UBE2D1: variants seen among roughly 807,000 people sequenced by gnomAD.
UBE2D1 encodes ubiquitin-conjugating enzyme E2 D1.
Under a neutral mutation model 24.6 loss-of-function variants are expected in UBE2D1, and 9 were observed. The ratio of observed to expected loss-of-function variants is 0.37; its 90% CI spans 0.22 to 0.64. UBE2D1 has a LOEUF of 0.64. Among genes scored for constraint, UBE2D1 ranks in the 30% least tolerant of loss-of-function variants. The pLI is 0.64. For missense variants in UBE2D1, 87 were observed against 177.1 expected (o/e 0.49, Z 2.89); for synonymous variants, 57 against 57.6 (o/e 0.99, Z 0.04).
intron 1 of UBE2D1, among the ~76,000 whole-genome samples, chr10:58,350,067 GTTGGTGGACATTGAGT>G (rs1481015640): frequency 6.6e-6 from 1 of 152,200 alleles, no homozygotes; most frequent in African/African-American, 2.4e-5. Flanking sequence ...TCGTTCTACT[GTTGGTGGACATTGAGT>G]TGCTTCTGGT....
At position 58,335,100 on chromosome 10, in the gene UBE2D1, G is replaced by A. The variant is rs1009545086; in HGVS notation, c.-102G>A. The A allele has an allele frequency of 3.0e-6, 4 of 1,325,730 alleles. No individual in the cohort carries two copies. The highest frequency in any genetic ancestry group is 3.0e-5 in the African/African-American group (2 of 65,990). 82.1% of individuals were successfully genotyped at this position (1,325,730 alleles called of 1,614,324 possible). On this transcript the variant is annotated 5_prime_UTR_variant, in exon 1 of 7. Coordinates refer to ENST00000373910, the MANE Select transcript of UBE2D1 (RefSeq NM_003338.5). The stretch of plus-strand genomic sequence containing the variant: ...CGGCTAACCGGGGACCCACCGCGCG[G>A]AGCCAGCCTAGCTGCCAGCGAGCCC...
intron 1 of UBE2D1, among the ~76,000 whole-genome samples, chr10:58,344,495 T>C (rs935482243): frequency 2.0e-5 from 3 of 152,134 alleles, no homozygotes; most frequent in Non-Finnish European, 2.9e-5. Context: ...ACCTAAATAA[T>C]GTATTTGCTG....
Position 58,335,094 on chromosome 10 carries a change from C to A in UBE2D1, c.-108C>A. The A allele has an allele frequency of 1.6e-6, 2 of 1,257,342 alleles. No individual in the cohort carries two copies. Among genetic ancestry groups the A allele is most frequent in the East Asian group, 2.7e-5 (1 of 36,516 alleles). The allele number at this position is 1,257,342 out of a possible 1,614,324, so 77.9% of individuals were successfully genotyped here. A position where few individuals can be genotyped will look rare whatever the true frequency, so the allele number is the denominator to read the frequency against. On this transcript the variant is annotated 5_prime_UTR_variant, in exon 1 of 7. Transcript: ENST00000373910. ...AGGGAGCGGCTAACCGGGGACCCAC[C>A]GCGCGGAGCCAGCCTAGCTGCCAGC...
At chr10:58,368,087 C>G (rs762471047) in intron 6 of UBE2D1, 71 bp downstream of exon 6, 15 of 1,077,276 alleles carry the variant, frequency 1.4e-5, no homozygotes, top group Admixed American at 7.7e-5. Context: ...CGAATATTAT[C>G]AATATGTTTT....
In UBE2D1 at chr10:58,338,192, C is replaced by G. The variant is rs564680473; in HGVS notation, c.24+2967C>G. ...GGCTATTTGAGAGTGTTAAAAAGTT[C>G]ATGATTTCACATTTCTTCACTATGA... On this transcript the variant is annotated intron_variant, in intron 1 of 6. Coordinates refer to ENST00000373910, the MANE Select transcript of UBE2D1 (RefSeq NM_003338.5). Among the ~76,000 whole-genome samples, 4 of 152,160 alleles carry G rather than the reference C, an allele frequency of 2.6e-5. No individual in the cohort carries two copies. The East Asian group carries it at 5.8e-4, about 22-fold the overall frequency.
In UBE2D1 at chr10:58,369,903, A is replaced by G. The variant is rs1196834251; in HGVS notation, c.*1138A>G. ...GAGTATAAGGCAGTATCACCCATCC[A>G]AAAGAAAGGTCTTTATAGACCTGCA... On this transcript the variant is annotated 3_prime_UTR_variant, in exon 7 of 7. Transcript: ENST00000373910. 6.6e-6 allele frequency: 1 copy of G among 152,062 alleles called. No individual in the cohort carries two copies. The highest frequency in any genetic ancestry group is 1.9e-4 in the East Asian group (1 of 5,328). The allele number at this position is 152,062 out of a possible 1,614,324, so 9.4% of individuals were successfully genotyped here.
At chr10:58,360,649 A>G (rs1840185097) in intron 1 of UBE2D1, among the ~76,000 whole-genome samples, 1 of 152,166 alleles carries the variant, frequency 6.6e-6, no homozygotes, top group Admixed American at 6.5e-5. Context: ...AGCTGGGTGC[A>G]GTGGCTCATG....
At chr10:58,363,818 T>G in intron 4 of UBE2D1, 132 bp downstream of exon 4, 1 of 581,824 alleles carries the variant, frequency 1.7e-6, no homozygotes, top group Middle Eastern at 4.8e-4. Context: ...CAAACTGTTT[T>G]GTAAAAACTA....
At position 58,364,863 on chromosome 10, in the gene UBE2D1, G is replaced by T; in HGVS notation, c.291G>T (p.Leu97=). The change falls in exon 5 of 7, where the codon CTG becomes CTT. Residue 97 remains leucine, a synonymous_variant. Coordinates refer to ENST00000373910, the MANE Select transcript of UBE2D1 (RefSeq NM_003338.5). ...TGAGGTCACAATGGTCACCAGCTCT[G>T]ACTGTATCAAAAGGTAATTTCATTG... ...DILRSQWSPA[L]TVSKVLLSIC... 1 of 1,612,514 alleles carries T rather than the reference G, an allele frequency of 6.2e-7. No homozygotes were observed. The highest frequency in any genetic ancestry group is 8.5e-7 in the Non-Finnish European group (1 of 1,178,834).
At chr10:58,367,209 A>G (rs1840265318) in intron 5 of UBE2D1, among the ~76,000 whole-genome samples, 1 of 152,202 alleles carries the variant, frequency 6.6e-6, no homozygotes, top group South Asian at 2.1e-4. Context: ...CAGAGGTTCC[A>G]TGAACCTCCT....
chr10:58,335,113 T>C lies in UBE2D1; in HGVS notation c.-89T>C. ...ACCCACCGCGCGGAGCCAGCCTAGC[T>C]GCCAGCGAGCCCAACCCGCGACGAC... On this transcript the variant is annotated 5_prime_UTR_variant, in exon 1 of 7. Transcript: ENST00000373910. The C allele has an allele frequency of 1.4e-6, 2 of 1,425,402 alleles. No individual in the cohort carries two copies. The highest frequency in any genetic ancestry group is 1.9e-6 in the Non-Finnish European group (2 of 1,051,724). The allele number at this position is 1,425,402 out of a possible 1,614,324, so 88.3% of individuals were successfully genotyped here. A position where few individuals can be genotyped will look rare whatever the true frequency, so the allele number is the denominator to read the frequency against.
chr10:58,358,764 T>G (rs1840160333), intron 1 of UBE2D1, among the ~76,000 whole-genome samples: 1 of 151,916 alleles, frequency 6.6e-6, no homozygotes, highest in Non-Finnish European at 1.5e-5. Flanking sequence ...TGCTTTTTCT[T>G]TTTCTTTTTT....
chr10:58,360,290 C>G (rs1256985953), intron 1 of UBE2D1, among the ~76,000 whole-genome samples: 4 of 152,166 alleles, frequency 2.6e-5, no homozygotes, highest in Admixed American at 6.5e-5. Flanking sequence ...TTAAGTTCTT[C>G]AGTTATAGTC....
chr10:58,335,480 G>T (rs902243903), intron 1 of UBE2D1, among the ~76,000 whole-genome samples: 21 of 152,252 alleles, frequency 1.4e-4, no homozygotes, highest in African/African-American at 4.8e-4. Context: ...CGCTCCCGGA[G>T]CCCCAGGGTA....
At position 58,368,080 on chromosome 10, in the gene UBE2D1, A is replaced by G. The variant is rs1014002519; in HGVS notation, c.398+64A>G. ...TCCTATATAGTATGCCAAAACACGA[A>G]TATTATCAATATGTTTTAAGTCAAT... On this transcript the variant is annotated intron_variant, in intron 6 of 6. Transcript: ENST00000373910. 4 of 1,088,134 alleles carry G rather than the reference A, an allele frequency of 3.7e-6. No individual in the cohort carries two copies. The African/African-American group carries it at 4.7e-5, about 13-fold the overall frequency. 67.4% of individuals were successfully genotyped at this position (1,088,134 alleles called of 1,614,324 possible).
At position 58,364,857 on chromosome 10, in the gene UBE2D1, A is replaced by T; in HGVS notation, c.285A>T (p.Pro95=). 1 of 1,613,208 alleles carries T rather than the reference A, an allele frequency of 6.2e-7. No individual in the cohort carries two copies. Among genetic ancestry groups the T allele is most frequent in the Non-Finnish European group, 8.5e-7 (1 of 1,179,334 alleles). The part of the protein sequence containing the change: ...CLDILRSQWS[P]ALTVSKVLLS... ...ATATTCTGAGGTCACAATGGTCACCAGCTCTGACTGTATCAAAAGGTAATT... is the reference window on the plus strand; with the variant it reads ...ATATTCTGAGGTCACAATGGTCACCTGCTCTGACTGTATCAAAAGGTAATT... Residue 95 remains proline, a synonymous_variant, in exon 5 of 7, where the codon CCA becomes CCT. Transcript: ENST00000373910.
intron 1 of UBE2D1, among the ~76,000 whole-genome samples, chr10:58,338,892 A>T (rs1265605123): frequency 6.6e-6 from 1 of 152,228 alleles, no homozygotes; most frequent in Non-Finnish European, 1.5e-5. Flanking sequence ...CTGGCCCCCA[A>T]ATGGAACATT....
At chr10:58,345,801 T>G (rs1359027484) in intron 1 of UBE2D1, among the ~76,000 whole-genome samples, 1 of 152,132 alleles carries the variant, frequency 6.6e-6, no homozygotes, top group Non-Finnish European at 1.5e-5. Flanking sequence ...GAGCCAGGCT[T>G]GTAGAGGAAG....
At chr10:58,359,558 C>G (rs369663974) in intron 1 of UBE2D1, among the ~76,000 whole-genome samples, 32 of 152,286 alleles carry the variant, frequency 2.1e-4, no homozygotes, top group African/African-American at 7.5e-4. Flanking sequence ...AACATATCTA[C>G]TCTCCAAATC....
Sources: gnomAD v4.1 joint callset for allele counts (sites outside exome capture counted in the v4.1 genomes callset) on GRCh38, gnomAD v4.1.1 for gene constraint, MANE v1.5 for transcripts, NCBI Gene and HGNC (gene_info 2026-07-23, HGNC 2026-07-21) for gene names.